Variants in ZCCHC7 observed in about 807,000 individuals in gnomAD.
The protein encoded by ZCCHC7 is zinc finger CCHC domain-containing protein 7.
In ZCCHC7, 35 loss-of-function variants were observed where a neutral mutation model predicts 52.0. The observed-to-expected ratio is 0.67, with a 90% confidence interval of 0.51 to 0.89. The LOEUF (loss-of-function observed/expected upper bound fraction) is 0.89, where lower values mean the gene tolerates loss of function less well. Among genes scored for constraint, ZCCHC7 ranks in the 40% least tolerant of loss-of-function variants. The pLI, the probability that ZCCHC7 is intolerant of heterozygous loss-of-function variation, is 0.00. For synonymous variants in ZCCHC7, 217 were observed against 221.5 expected (o/e 0.98, Z 0.18); for missense variants, 574 against 649.1 (o/e 0.88, Z 1.26).
chr9:37,138,778 T>C (rs1350900578), intron 2 of ZCCHC7, among the ~76,000 whole-genome samples: 2 of 151,502 alleles, frequency 1.3e-5, no homozygotes, highest in African/African-American at 4.8e-5. Flanking sequence ...AGAGCTTGAA[T>C]CCTGATGTCT....
intron 2 of ZCCHC7, among the ~76,000 whole-genome samples, chr9:37,264,286 TATAAA>T (rs1178097725): frequency 3.3e-5 from 5 of 152,186 alleles, no homozygotes; most frequent in East Asian, 1.9e-4. Flanking sequence ...AAATAGTACT[TATAAA>T]ATAAAATGCG....
intron 2 of ZCCHC7, among the ~76,000 whole-genome samples, chr9:37,251,059 G>C (rs1826307137): frequency 6.6e-6 from 1 of 152,168 alleles, no homozygotes; most frequent in South Asian, 2.1e-4. Flanking sequence ...GGCATGATGA[G>C]TTACAAAAAT....
intron 2 of ZCCHC7, among the ~76,000 whole-genome samples, chr9:37,278,418 G>A (rs532135366): frequency 2.0e-5 from 3 of 152,236 alleles, no homozygotes; most frequent in Admixed American, 2.0e-4. Context: ...GAAAATATCA[G>A]TGAACTTGAA....
chr9:37,226,269 G>A (rs1440311468), intron 2 of ZCCHC7, among the ~76,000 whole-genome samples: 1 of 152,066 alleles, frequency 6.6e-6, no homozygotes, highest in East Asian at 1.9e-4. Context: ...ACACTATAAG[G>A]CAATGCAGAG....
intron 5 of ZCCHC7, among the ~76,000 whole-genome samples, chr9:37,321,812 C>T (rs1415184961): frequency 1.3e-5 from 2 of 152,008 alleles, no homozygotes; most frequent in Non-Finnish European, 2.9e-5. Context: ...AACTAATTTA[C>T]CTTTAGTTTA....
chr9:37,163,630 TTTGGCTTTGTA>T (rs1821242377), intron 2 of ZCCHC7, among the ~76,000 whole-genome samples: 1 of 152,192 alleles, frequency 6.6e-6, no homozygotes, highest in South Asian at 2.1e-4. Flanking sequence ...CAGTCTTTGC[TTTGGCTTTGTA>T]TTCACTTAAT....
At chr9:37,326,846 A>G (rs1014170737) in intron 5 of ZCCHC7, 4 of 152,134 alleles carry the variant, frequency 2.6e-5, no homozygotes, top group Non-Finnish European at 4.4e-5. Context: ...GCATGCATCT[A>G]TAAACAAAAG....
chr9:37,136,689 C>T (rs1843011699), intron 2 of ZCCHC7, among the ~76,000 whole-genome samples: 1 of 152,176 alleles, frequency 6.6e-6, no homozygotes, highest in South Asian at 2.1e-4. Context: ...GCTCATGTTG[C>T]TGGTCTTGAA....
chr9:37,302,649 T>C (rs10973292), intron 3 of ZCCHC7, among the ~76,000 whole-genome samples: 55,476 of 152,116 alleles, frequency 0.36, 10,456 homozygotes, highest in Non-Finnish European at 0.43. Context: ...TTTTGGGAGA[T>C]AGCTAGATTG....
At chr9:37,318,959 A>G (rs74884458) in intron 5 of ZCCHC7, among the ~76,000 whole-genome samples, 1 of 151,744 alleles carries the variant, frequency 6.6e-6, no homozygotes, top group Admixed American at 6.6e-5. Context: ...AAAAAAAAAA[A>G]AGAGTAAAAT....
chr9:37,299,104 A>G (rs1325517676), intron 2 of ZCCHC7, among the ~76,000 whole-genome samples: 1 of 152,184 alleles, frequency 6.6e-6, no homozygotes, highest in African/African-American at 2.4e-5. Flanking sequence ...ATCAGCAAGA[A>G]CAACCCTATA....
intron 2 of ZCCHC7, among the ~76,000 whole-genome samples, chr9:37,259,157 T>C (rs986578272): frequency 1.3e-5 from 2 of 152,178 alleles, no homozygotes; most frequent in Non-Finnish European, 2.9e-5. Flanking sequence ...GAAAATGAAA[T>C]GCAGGCCTTT....
At chr9:37,314,050 C>T (rs1345918792) in intron 5 of ZCCHC7, among the ~76,000 whole-genome samples, 1 of 152,114 alleles carries the variant, frequency 6.6e-6, no homozygotes, top group Non-Finnish European at 1.5e-5. Flanking sequence ...TTCAACTCTC[C>T]GTATAGTACA....
rs528303951 is a variant in ZCCHC7, at chr9:37,323,013, T to C, written c.952-4786T>C. Among the ~76,000 whole-genome samples the C allele has an allele frequency of 2.9e-4, 44 of 152,328 alleles. No homozygotes were observed. The South Asian group carries it at 7.3e-3, about 25-fold the overall frequency. On this transcript the variant is annotated intron_variant, in intron 5 of 8. Coordinates refer to ENST00000336755, the MANE Select transcript of ZCCHC7 (RefSeq NM_032226.3). Reference sequence around the variant, plus strand: ...CATTGCTCTAAAGACTTTATACTTATCAACCCCTTAAATATCACAACAATC... The same window carrying C: ...CATTGCTCTAAAGACTTTATACTTACCAACCCCTTAAATATCACAACAATC...
chr9:37,243,247 A>G (rs907249596), intron 2 of ZCCHC7, among the ~76,000 whole-genome samples: 1 of 151,858 alleles, frequency 6.6e-6, no homozygotes, highest in African/African-American at 2.4e-5. Flanking sequence ...TTGATGTCAT[A>G]GATCTACCGT....
intron 2 of ZCCHC7, among the ~76,000 whole-genome samples, chr9:37,223,431 T>C (rs1824929356): frequency 1.3e-5 from 2 of 152,084 alleles, no homozygotes; most frequent in Admixed American, 1.3e-4. Context: ...AAATGAAATA[T>C]CTTGAATAGG....
At chr9:37,259,853 T>C (rs901371205) in intron 2 of ZCCHC7, among the ~76,000 whole-genome samples, 1 of 152,200 alleles carries the variant, frequency 6.6e-6, no homozygotes, top group Admixed American at 6.5e-5. Flanking sequence ...TATGAAGATA[T>C]GGAAACATTA....
chr9:37,350,567 C>G (rs1464308294), intron 7 of ZCCHC7, among the ~76,000 whole-genome samples: 1 of 152,240 alleles, frequency 6.6e-6, no homozygotes, highest in African/African-American at 2.4e-5. Flanking sequence ...TCACCTACCC[C>G]ACAAATGCCC....
At chr9:37,150,623 A>G (rs1820464403) in intron 2 of ZCCHC7, among the ~76,000 whole-genome samples, 1 of 152,236 alleles carries the variant, frequency 6.6e-6, no homozygotes, top group Non-Finnish European at 1.5e-5. Flanking sequence ...AATAACACCC[A>G]GAAGGCATTG....
Sources: gnomAD v4.1 joint callset for allele counts (sites outside exome capture counted in the v4.1 genomes callset) on GRCh38, gnomAD v4.1.1 for gene constraint, MANE v1.5 for transcripts, NCBI Gene and HGNC (gene_info 2026-07-23, HGNC 2026-07-21) for gene names.